SPRY3: variants seen among roughly 807,000 people sequenced by gnomAD.
SPRY3 encodes the protein protein sprouty homolog 3.
In SPRY3, 15 loss-of-function variants were observed where a neutral mutation model predicts 20.2. The observed-to-expected ratio is 0.74, with a 90% CI of 0.50 to 1.14. The LOEUF is 1.14. Ranked by LOEUF, SPRY3 falls within the 50% of genes most tolerant of loss-of-function variation. SPRY3 has a pLI of 0.00. For missense variants in SPRY3, 364 were observed against 363.9 expected, an observed-to-expected ratio of 1.00 and a Z score of 0.00; for synonymous variants, 143 against 136.5, an observed-to-expected ratio of 1.05 and a Z score of -0.33.
intron 2 of SPRY3, among the ~76,000 whole-genome samples, chrX:155,722,016 T>G (rs1202475115): frequency 6.6e-6 from 1 of 151,732 alleles, no homozygotes; most frequent in African/African-American, 2.4e-5. Flanking sequence ...CTTCAAGACA[T>G]AGACAGTACA....
intron 2 of SPRY3, among the ~76,000 whole-genome samples, chrX:155,707,226 C>G (rs2090958128): frequency 6.6e-6 from 1 of 151,100 alleles, no homozygotes; most frequent in Non-Finnish European, 1.5e-5. Context: ...TATAACTTTC[C>G]TTGTGATTTC....
At chrX:155,717,940 A>T (rs1164468901) in intron 2 of SPRY3, among the ~76,000 whole-genome samples, 1 of 151,922 alleles carries the variant, frequency 6.6e-6, no homozygotes, top group Non-Finnish European at 1.5e-5. Context: ...CTATGCTCCA[A>T]GTCAAGCCAG....
At chrX:155,768,233 G>C (rs934385775) in intron 3 of SPRY3, 97 bp downstream of exon 2, 2 of 86 alleles carry the variant, frequency 0.023, no homozygotes, top group Non-Finnish European at 0.043. Flanking sequence ...GTCTCTGTGT[G>C]CGTGTGTGTG....
chrX:155,720,344 T>C (rs1307435638), intron 2 of SPRY3, among the ~76,000 whole-genome samples: 1 of 152,110 alleles, frequency 6.6e-6, no homozygotes, highest in East Asian at 1.9e-4. Flanking sequence ...ACAGCATCTC[T>C]GGGCCTCCCT....
intron 1 of SPRY3, among the ~76,000 whole-genome samples, chrX:155,614,723 A>C (rs1156526559): frequency 9.9e-5 from 11 of 111,251 alleles, no homozygotes; most frequent in African/African-American, 3.6e-4. Context: ...TTTTACTTGT[A>C]ATAAAATAAA....
chrX:155,676,863 G>A (rs1049061817), intron 2 of SPRY3, among the ~76,000 whole-genome samples: 3 of 111,217 alleles, frequency 2.7e-5, no homozygotes, highest in African/African-American at 9.8e-5. Flanking sequence ...CAAAGGCCTC[G>A]TAATACTATC....
intron 2 of SPRY3, among the ~76,000 whole-genome samples, chrX:155,711,808 A>C (rs2090988859): frequency 6.8e-6 from 1 of 146,890 alleles, no homozygotes; most frequent in African/African-American, 2.5e-5. Flanking sequence ...GTTTTTTTGA[A>C]GCTTTTCTTC....
chrX:155,724,331 G>A (rs2091083164), intron 2 of SPRY3, among the ~76,000 whole-genome samples: 1 of 152,072 alleles, frequency 6.6e-6, no homozygotes. Flanking sequence ...GAAAGTCATT[G>A]GTAGCTCGAT....
chrX:155,646,417 A>G (rs2067957877), intron 1 of SPRY3, among the ~76,000 whole-genome samples: 1 of 112,096 alleles, frequency 8.9e-6, no homozygotes, highest in African/African-American at 3.2e-5. Flanking sequence ...TTTCCAATCC[A>G]TGAAGTGTCT....
chrX:155,732,381 C>A (rs1200776964), intron 2 of SPRY3, among the ~76,000 whole-genome samples: 1 of 151,864 alleles, frequency 6.6e-6, no homozygotes, highest in Non-Finnish European at 1.5e-5. Context: ...AGAAGAGATA[C>A]AAATGGCAGT....
chrX:155,628,624 A>G (rs922612751), intron 1 of SPRY3, among the ~76,000 whole-genome samples: 6 of 112,589 alleles, frequency 5.3e-5, no homozygotes, highest in Non-Finnish European at 9.4e-5. Context: ...ACAATGAAAT[A>G]CCATCCCACA....
rs745384781 is a variant in SPRY3 at position 155,722,970 on chromosome X, C to T, written c.-281-44992C>T. 4.5e-4 allele frequency among the ~76,000 whole-genome samples: 66 copies of T among 146,174 alleles called. No homozygotes were observed. In the East Asian group the frequency reaches 0.013, roughly 30 times the overall value. On this transcript the variant is annotated intron_variant, in intron 2 of 3. Transcript: ENST00000675360. ...CTGACAGGCCCCGGTGTGTGATGCT[C>T]CCCGCCCTGTGTCCAAGTGTTCTCA...
intron 2 of SPRY3, among the ~76,000 whole-genome samples, chrX:155,755,067 T>TGC (rs1396474901): frequency 1.4e-5 from 2 of 142,104 alleles, no homozygotes; most frequent in African/African-American, 6.1e-5. Context: ...CACACGTGCG[T>TGC]GCACACACAC....
intron 2 of SPRY3, among the ~76,000 whole-genome samples, chrX:155,715,083 G>A (rs1303080182): frequency 6.6e-6 from 1 of 152,142 alleles, no homozygotes; most frequent in East Asian, 1.9e-4. Context: ...CTGTGGCTGA[G>A]CTAGTACCTG....
chrX:155,704,958 A>G (rs1223531672), intron 2 of SPRY3, among the ~76,000 whole-genome samples: 1 of 151,624 alleles, frequency 6.6e-6, no homozygotes. Flanking sequence ...GTATCAGACA[A>G]GCAAAAACTG....
intron 2 of SPRY3, among the ~76,000 whole-genome samples, chrX:155,737,843 A>G (rs1364187376): frequency 6.6e-6 from 1 of 152,130 alleles, no homozygotes; most frequent in Non-Finnish European, 1.5e-5. Context: ...ATACAATATG[A>G]ATTGTACTTT....
At chrX:155,671,886 C>T (rs1603129792) in intron 2 of SPRY3, among the ~76,000 whole-genome samples, 1 of 111,623 alleles carries the variant, frequency 9.0e-6, no homozygotes, top group East Asian at 2.8e-4. Flanking sequence ...TTTCCCAGCA[C>T]CATTTATTAA....
At chrX:155,769,622 G>T (rs2091368863) in intron 3 of SPRY3, among the ~76,000 whole-genome samples, 1 of 152,030 alleles carries the variant, frequency 6.6e-6, no homozygotes, top group African/African-American at 2.4e-5. Context: ...AATTCATTTG[G>T]TATTACAAAT....
At chrX:155,752,520 T>C (rs1322682839) in intron 2 of SPRY3, among the ~76,000 whole-genome samples, 1 of 151,628 alleles carries the variant, frequency 6.6e-6, no homozygotes, top group Non-Finnish European at 1.5e-5. Flanking sequence ...TCTTGATATA[T>C]ATATATATAA....
Sources: gnomAD v4.1 joint callset for allele counts (sites outside exome capture counted in the v4.1 genomes callset) on GRCh38, gnomAD v4.1.1 for gene constraint, MANE v1.5 for transcripts, NCBI Gene and HGNC (gene_info 2026-07-23, HGNC 2026-07-21) for gene names.